Variants in MINDY4 observed in about 807,000 individuals in gnomAD.
MINDY4 encodes the protein MINDY lysine 48 deubiquitinase 4.
A neutral mutation model predicts 87.0 loss-of-function variants in MINDY4; 68 were observed. The ratio of observed to expected loss-of-function variants is 0.78; its 90% CI spans 0.64 to 0.96. MINDY4 has a LOEUF of 0.96. MINDY4 is among the 40% of genes least tolerant of loss of function. The pLI, the probability that MINDY4 is intolerant of heterozygous loss-of-function variation, is 0.00. For missense variants in MINDY4, 919 were observed against 928.2 expected, an observed-to-expected ratio of 0.99 and a Z score of 0.13; for synonymous variants, 379 against 363.2, an observed-to-expected ratio of 1.04 and a Z score of -0.50.
At chr7:30,834,331 G>C (rs1279271567) in intron 6 of MINDY4, among the ~76,000 whole-genome samples, 2 of 152,230 alleles carry the variant, frequency 1.3e-5, no homozygotes, top group Non-Finnish European at 2.9e-5. Context: ...AGCTGCCAAA[G>C]CTTAGGCCTT....
intron 10 of MINDY4, among the ~76,000 whole-genome samples, chr7:30,850,975 C>A (rs1250360106): frequency 6.6e-6 from 1 of 152,214 alleles, no homozygotes; most frequent in Non-Finnish European, 1.5e-5. Context: ...AAGCACACTG[C>A]CATTTGCTCT....
At chr7:30,801,777 G>A (rs1022789691) in intron 5 of MINDY4, among the ~76,000 whole-genome samples, 1 of 152,180 alleles carries the variant, frequency 6.6e-6, no homozygotes, top group Non-Finnish European at 1.5e-5. Context: ...CGTCTGCAGA[G>A]GAAAGAGATT....
At chr7:30,773,260 G>C (rs1786699848) in intron 1 of MINDY4, among the ~76,000 whole-genome samples, 1 of 152,198 alleles carries the variant, frequency 6.6e-6, no homozygotes, top group Admixed American at 6.5e-5. Flanking sequence ...TACCTAGAAG[G>C]TGCTGGTTTG....
At chr7:30,853,152 C>G (rs1789463286) in intron 11 of MINDY4, among the ~76,000 whole-genome samples, 1 of 152,244 alleles carries the variant, frequency 6.6e-6, no homozygotes, top group East Asian at 1.9e-4. Context: ...TCTGGGGTCT[C>G]AGGCCCAGAG....
chr7:30,774,420 C>G (rs1017279974), intron 1 of MINDY4, among the ~76,000 whole-genome samples: 2 of 152,164 alleles, frequency 1.3e-5, no homozygotes, highest in Non-Finnish European at 2.9e-5. Context: ...ATGCATTTCC[C>G]TCCTCTACTA....
intron 10 of MINDY4, among the ~76,000 whole-genome samples, chr7:30,851,233 G>T (rs529952732): frequency 6.6e-6 from 1 of 152,166 alleles, no homozygotes; most frequent in South Asian, 2.1e-4. Flanking sequence ...CTGGGGGCAC[G>T]TTGGTCACTG....
At chr7:30,871,030 C>T (rs1269505645) in intron 13 of MINDY4, among the ~76,000 whole-genome samples, 1 of 151,814 alleles carries the variant, frequency 6.6e-6, no homozygotes, top group Non-Finnish European at 1.5e-5. Flanking sequence ...TGTGTGCCCC[C>T]AGGGTTGTGT....
intron 13 of MINDY4, among the ~76,000 whole-genome samples, chr7:30,864,932 G>A (rs1340593868): frequency 6.6e-6 from 1 of 152,244 alleles, no homozygotes; most frequent in African/African-American, 2.4e-5. Context: ...GAATCACGGG[G>A]GTGGGTGGTT....
chr7:30,871,805 A>T (rs1414378828), intron 13 of MINDY4, among the ~76,000 whole-genome samples: 1 of 152,218 alleles, frequency 6.6e-6, no homozygotes, highest in Non-Finnish European at 1.5e-5. Flanking sequence ...ACTCAAGGAA[A>T]CATTAGAGTC....
At chr7:30,859,565 C>T (rs957195978) in intron 13 of MINDY4, among the ~76,000 whole-genome samples, 2 of 152,214 alleles carry the variant, frequency 1.3e-5, no homozygotes, top group African/African-American at 4.8e-5. Context: ...AAAGACACGC[C>T]ACCAGCCCTT....
chr7:30,793,615 T>G (rs1787389426), intron 5 of MINDY4, among the ~76,000 whole-genome samples: 1 of 152,036 alleles, frequency 6.6e-6, no homozygotes, highest in Non-Finnish European at 1.5e-5. Flanking sequence ...GAGACGGGGT[T>G]TTGTTATGTT....
intron 5 of MINDY4, among the ~76,000 whole-genome samples, chr7:30,816,433 G>A (rs1788152138): frequency 6.6e-6 from 1 of 152,166 alleles, no homozygotes; most frequent in African/African-American, 2.4e-5. Context: ...TGAAGGACGT[G>A]TGCCAAGGCC....
At chr7:30,823,351 G>A (rs1336860836) in intron 5 of MINDY4, among the ~76,000 whole-genome samples, 1 of 152,170 alleles carries the variant, frequency 6.6e-6, no homozygotes, top group Non-Finnish European at 1.5e-5. Flanking sequence ...ATTGGAGTGT[G>A]TAAAATGATG....
At chr7:30,861,389 G>C (rs1197219887) in intron 13 of MINDY4, among the ~76,000 whole-genome samples, 1 of 152,250 alleles carries the variant, frequency 6.6e-6, no homozygotes, top group Admixed American at 6.5e-5. Context: ...TTAGGTGGGT[G>C]CTGCTGTGAG....
intron 13 of MINDY4, among the ~76,000 whole-genome samples, chr7:30,864,054 G>T (rs545585223): frequency 2.0e-5 from 3 of 152,350 alleles, no homozygotes; most frequent in African/African-American, 7.2e-5. Flanking sequence ...TTGAGGCCCT[G>T]AGAAGGTCCA....
chr7:30,888,424 C>T (rs565568041), intron 17 of MINDY4, among the ~76,000 whole-genome samples: 1 of 152,150 alleles, frequency 6.6e-6, no homozygotes, highest in Non-Finnish European at 1.5e-5. Flanking sequence ...CCTTAGGTAC[C>T]GAGGATGAGA....
chr7:30,879,558 ACT>A (rs1790394731), intron 15 of MINDY4, among the ~76,000 whole-genome samples: 1 of 150,788 alleles, frequency 6.6e-6, no homozygotes, highest in African/African-American at 2.4e-5. Context: ...AGCCCGCACC[ACT>A]CTCTCCCGCA....
intron 5 of MINDY4, among the ~76,000 whole-genome samples, chr7:30,798,789 C>T (rs1481073807): frequency 2.0e-5 from 3 of 152,196 alleles, no homozygotes; most frequent in Non-Finnish European, 2.9e-5. Flanking sequence ...TGAGCCACTG[C>T]GCCCAGCCCT....
At chr7:30,837,981 A>G (rs565009854) in intron 7 of MINDY4, among the ~76,000 whole-genome samples, 23 of 152,386 alleles carry the variant, frequency 1.5e-4, no homozygotes, top group Admixed American at 3.9e-4. Flanking sequence ...AAGGAAAAAA[A>G]GAGCTGATTC....
Sources: allele counts gnomAD v4.1 joint callset (sites outside exome capture counted in the v4.1 genomes callset), GRCh38; gene constraint gnomAD v4.1.1; transcripts MANE v1.5; gene names NCBI Gene and HGNC (gene_info 2026-07-23, HGNC 2026-07-21).